DLGAP1: variants seen among roughly 807,000 people sequenced by gnomAD.
DLGAP1 encodes DLG associated protein 1, also known as disks large-associated protein 1.
Under a neutral mutation model 90.8 loss-of-function variants are expected in DLGAP1, and 11 were observed. The observed-to-expected ratio is 0.12, with a 90% confidence interval of 0.08 to 0.20. The LOEUF is 0.20. DLGAP1 is among the 10% of genes least tolerant of loss of function. DLGAP1 has a pLI of 1.00. For synonymous variants in DLGAP1, 558 were observed against 540.7 expected (o/e 1.03, Z -0.44); for missense variants, 1,050 against 1,333.8 (o/e 0.79, Z 3.31).
intron 7 of DLGAP1, among the ~76,000 whole-genome samples, chr18:3,615,342 G>C (rs2057816455): frequency 2.0e-5 from 3 of 152,174 alleles, no homozygotes; most frequent in Admixed American, 6.5e-5. Context: ...GTGCTGATTG[G>C]GGAGCCTCTA....
rs147947293 is a variant in DLGAP1, at chr18:3,840,113, C to G, written c.958-25840G>C. 3.9e-3 allele frequency among the ~76,000 whole-genome samples: 601 copies of G among 152,360 alleles called. 2 individuals carry two copies. The highest frequency in any genetic ancestry group is 0.014 in the African/African-American group (575 of 41,594). The stretch of plus-strand genomic sequence containing the variant: ...ATAATATTTAGAGGGCCTCTCTACT[C>G]CACATTTAACCCTGTAATATCATCT... On this transcript the variant is annotated intron_variant, in intron 4 of 12. Coordinates refer to ENST00000315677, the MANE Select transcript of DLGAP1 (RefSeq NM_004746.4).
In DLGAP1 at chr18:3,783,829, CA is replaced by C. The variant is rs548503513; in HGVS notation, c.1172+30229del. ...AGCAATATCCTTTGGAAGTTGCTTA[CA>C]TGTGAATATAAGGCTTTTCCCTTTC... On this transcript the variant is annotated intron_variant, in intron 5 of 12. Coordinates refer to ENST00000315677, the MANE Select transcript of DLGAP1 (RefSeq NM_004746.4). 1.6e-4 allele frequency among the ~76,000 whole-genome samples: 24 copies of C among 152,328 alleles called. No individual in the cohort carries two copies. The East Asian group carries it at 4.6e-3, about 29-fold the overall frequency.
At chr18:4,381,379 G>T (rs1475787864) in intron 1 of DLGAP1, among the ~76,000 whole-genome samples, 2 of 152,242 alleles carry the variant, frequency 1.3e-5, no homozygotes, top group Middle Eastern at 6.8e-3. Context: ...AAGCTATAGT[G>T]AGCATATTTC....
rs190489315 is a variant in DLGAP1 at position 3,662,466 on chromosome 18, G to C, written c.1591+66669C>G. Among the ~76,000 whole-genome samples, 15 of 152,282 alleles carry C rather than the reference G, an allele frequency of 9.9e-5. No individual in the cohort carries two copies. In the East Asian group the frequency reaches 2.9e-3, roughly 29 times the overall value. On this transcript the variant is annotated intron_variant, in intron 7 of 12. Transcript: ENST00000315677. ...GTTTCATTTAACAGAAAGAAACCCA[G>C]TAAGATTCAAAGGATGCCCACAAAG... is the stretch of plus-strand genomic sequence containing the variant.
At chr18:3,856,423 G>C (rs1402416448) in intron 4 of DLGAP1, among the ~76,000 whole-genome samples, 4 of 152,158 alleles carry the variant, frequency 2.6e-5, no homozygotes, top group African/African-American at 7.2e-5. Flanking sequence ...AATTAGATGA[G>C]AGAATTGTGA....
intron 2 of DLGAP1, among the ~76,000 whole-genome samples, chr18:4,031,229 C>T (rs533085275): frequency 1.3e-5 from 2 of 150,900 alleles, no homozygotes; most frequent in South Asian, 2.1e-4. Context: ...AGAAGATATA[C>T]GAAATTATGT....
chr18:4,325,497 TA>T (rs1598903868), intron 1 of DLGAP1, among the ~76,000 whole-genome samples: 1 of 150,714 alleles, frequency 6.6e-6, no homozygotes, highest in African/African-American at 2.4e-5. Flanking sequence ...TTCACACAAC[TA>T]AAAAAAAACT....
At chr18:4,453,845 G>A (rs2083896571) in intron 1 of DLGAP1, among the ~76,000 whole-genome samples, 4 of 152,324 alleles carry the variant, frequency 2.6e-5, no homozygotes, top group Admixed American at 2.0e-4. Flanking sequence ...GGAGTAAGGA[G>A]TGAAGAGTCT....
intron 2 of DLGAP1, among the ~76,000 whole-genome samples, chr18:4,072,918 A>G (rs1206828660): frequency 6.6e-6 from 1 of 152,236 alleles, no homozygotes; most frequent in Non-Finnish European, 1.5e-5. Flanking sequence ...AGTAAGTTGC[A>G]TAGGGTCCCG....
intron 1 of DLGAP1, among the ~76,000 whole-genome samples, chr18:4,218,244 C>A (rs1373103982): frequency 6.6e-6 from 1 of 151,686 alleles, no homozygotes; most frequent in Non-Finnish European, 1.5e-5. Context: ...CTCTATTCTG[C>A]TGTATTGATC....
intron 7 of DLGAP1, among the ~76,000 whole-genome samples, chr18:3,707,306 A>G (rs1035799694): frequency 1.3e-5 from 2 of 152,162 alleles, no homozygotes; most frequent in Non-Finnish European, 2.9e-5. Context: ...GCAGAAGAAA[A>G]TGGACCCTAG....
At chr18:4,396,104 G>C (rs565244528) in intron 1 of DLGAP1, among the ~76,000 whole-genome samples, 14 of 152,304 alleles carry the variant, frequency 9.2e-5, no homozygotes, top group South Asian at 2.1e-4. Flanking sequence ...GAAAGATACT[G>C]TTAGTCTTTT....
At chr18:4,332,582 C>A (rs1411070169) in intron 1 of DLGAP1, among the ~76,000 whole-genome samples, 2 of 152,062 alleles carry the variant, frequency 1.3e-5, no homozygotes, top group Admixed American at 6.5e-5. Flanking sequence ...AACAATTCAA[C>A]TCTTCTTTTG....
chr18:3,831,157 G>A (rs1745788946), intron 4 of DLGAP1, among the ~76,000 whole-genome samples: 1 of 152,150 alleles, frequency 6.6e-6, no homozygotes, highest in Non-Finnish European at 1.5e-5. Context: ...AGGAGCTGCA[G>A]TTGGATGTTG....
intron 4 of DLGAP1, among the ~76,000 whole-genome samples, chr18:3,826,841 C>T (rs2067744352): frequency 6.6e-6 from 1 of 152,076 alleles, no homozygotes; most frequent in Non-Finnish European, 1.5e-5. Context: ...CCCTTGGAGG[C>T]TCATGCAATA....
chr18:3,774,023 C>T (rs2064823181), intron 5 of DLGAP1, among the ~76,000 whole-genome samples: 1 of 152,204 alleles, frequency 6.6e-6, no homozygotes, highest in Admixed American at 6.5e-5. Context: ...CCAGCAGCTG[C>T]CACCTCACCT....
intron 7 of DLGAP1, among the ~76,000 whole-genome samples, chr18:3,668,275 T>A (rs1036662090): frequency 3.3e-5 from 5 of 152,050 alleles, no homozygotes; most frequent in Non-Finnish European, 7.4e-5. Context: ...CTTAAGAGGG[T>A]AAAGGAACAG....
intron 3 of DLGAP1, among the ~76,000 whole-genome samples, chr18:3,902,955 C>T (rs1397636855): frequency 2.6e-5 from 4 of 152,102 alleles, no homozygotes; most frequent in Admixed American, 6.5e-5. Context: ...GAGTGATCAG[C>T]TCTCTTAATT....
At chr18:3,741,124 C>CCGT in intron 6 of DLGAP1, among the ~76,000 whole-genome samples, 1 of 109,070 alleles carries the variant, frequency 9.2e-6, no homozygotes, top group African/African-American at 3.5e-5. Flanking sequence ...ACCACCATCA[C>CCGT]CACCACCACC....
Sources: gnomAD v4.1 joint callset for allele counts (sites outside exome capture counted in the v4.1 genomes callset) on GRCh38, gnomAD v4.1.1 for gene constraint, MANE v1.5 for transcripts, NCBI Gene and HGNC (gene_info 2026-07-23, HGNC 2026-07-21) for gene names.